SHB: variants seen among roughly 807,000 people sequenced by gnomAD.
SHB encodes SH2 domain containing adaptor protein B.
In SHB, 20 loss-of-function variants were observed where a neutral mutation model predicts 52.3. The observed-to-expected ratio is 0.38, with a 90% CI of 0.27 to 0.56. SHB has a LOEUF of 0.56. Ranked by LOEUF, SHB falls within the 20% of genes least tolerant of loss-of-function variation. The probability of loss-of-function intolerance (pLI) is 0.71; values close to 1 mark genes in which losing one functional copy is unlikely to be tolerated. For missense variants in SHB, 825 were observed against 723.3 expected (o/e 1.14, Z -1.61); for synonymous variants, 397 against 316.5 (o/e 1.25, Z -2.70).
intron 1 of SHB, among the ~76,000 whole-genome samples, chr9:38,026,385 G>A (rs1037352860): frequency 6.6e-6 from 1 of 152,258 alleles, no homozygotes; most frequent in African/African-American, 2.4e-5. Flanking sequence ...CTGCAGAGGC[G>A]CGGGAACCCG....
chr9:37,923,202 G>A (rs1180755958), intron 5 of SHB, among the ~76,000 whole-genome samples: 1 of 152,230 alleles, frequency 6.6e-6, no homozygotes, highest in Admixed American at 6.5e-5. Flanking sequence ...AACCCTCAGT[G>A]TTCCATGTGA....
At chr9:37,924,897 G>A (rs1278605491) in intron 5 of SHB, among the ~76,000 whole-genome samples, 4 of 152,198 alleles carry the variant, frequency 2.6e-5, no homozygotes, top group Non-Finnish European at 1.5e-5. Flanking sequence ...TGGCATTCAA[G>A]GCCCTGAAGC....
chr9:37,928,880 T>C (rs777607226), intron 5 of SHB, among the ~76,000 whole-genome samples: 3 of 152,214 alleles, frequency 2.0e-5, no homozygotes, highest in Non-Finnish European at 4.4e-5. Context: ...TGGTGGGAGA[T>C]GTACCACATC....
intron 1 of SHB, among the ~76,000 whole-genome samples, chr9:38,027,760 G>A (rs574608281): frequency 3.3e-5 from 5 of 152,018 alleles, no homozygotes; most frequent in South Asian, 4.2e-4. Flanking sequence ...TAGGCAGAGC[G>A]GCTGTTCCCA....
In SHB at chr9:38,016,086, C is replaced by A. The variant is rs1409963482; in HGVS notation, c.763G>T (p.Asp255Tyr). The A allele has an allele frequency of 7.4e-6, 12 of 1,614,004 alleles. No individual in the cohort carries two copies. Among genetic ancestry groups the A allele is most frequent in the Non-Finnish European group, 1.0e-5 (12 of 1,179,944 alleles). ...DYSDPFDAKNDLKSKAGKGES... is the reference protein window; with the variant it reads ...DYSDPFDAKNYLKSKAGKGES... ...CCCTTTCCTGCTTTGCTCTTGAGATCATTCTTGGCATCAAAGGGATCTGAG... is the reference window on the plus strand; with the variant it reads ...CCCTTTCCTGCTTTGCTCTTGAGATAATTCTTGGCATCAAAGGGATCTGAG... Residue 255 changes from aspartate (D) to tyrosine (Y), a missense_variant, in exon 2 of 6, where the codon GAT (aspartate) becomes TAT (tyrosine). By Grantham distance (160) the Asp-to-Tyr change is radical (BLOSUM62 -3). Coordinates refer to ENST00000377707, the MANE Select transcript of SHB (RefSeq NM_003028.3).
At chr9:37,930,563 C>T (rs1258478760) in intron 5 of SHB, among the ~76,000 whole-genome samples, 1 of 152,198 alleles carries the variant, frequency 6.6e-6, no homozygotes, top group East Asian at 1.9e-4. Flanking sequence ...CCTGGCCCAC[C>T]CTGGTGGGGG....
chr9:38,051,254 A>G (rs1159876817), intron 1 of SHB, among the ~76,000 whole-genome samples: 2 of 152,030 alleles, frequency 1.3e-5, no homozygotes, highest in Non-Finnish European at 2.9e-5. Context: ...ATCCTGGCCA[A>G]CATGGTGAAA....
chr9:37,982,318 C>G (rs891903124), intron 2 of SHB, among the ~76,000 whole-genome samples: 6 of 151,898 alleles, frequency 4.0e-5, no homozygotes, highest in Non-Finnish European at 8.8e-5. Context: ...CATGGTAAAA[C>G]CCCGTCTCTA....
At chr9:37,990,297 T>G (rs936090625) in intron 2 of SHB, among the ~76,000 whole-genome samples, 1 of 152,146 alleles carries the variant, frequency 6.6e-6, no homozygotes, top group African/African-American at 2.4e-5. Flanking sequence ...ATACTCCCAC[T>G]GTCATCTCTC....
chr9:38,003,977 G>A (rs538079180), intron 2 of SHB, among the ~76,000 whole-genome samples: 24 of 152,274 alleles, frequency 1.6e-4, no homozygotes, highest in African/African-American at 5.8e-4. Context: ...GCAGGAGCTG[G>A]CCCGGGGGAT....
At chr9:38,054,432 T>G (rs1821786496) in intron 1 of SHB, among the ~76,000 whole-genome samples, 1 of 152,236 alleles carries the variant, frequency 6.6e-6, no homozygotes, top group Non-Finnish European at 1.5e-5. Context: ...TTGTTCCCCA[T>G]CCAGTCACAT....
At chr9:37,937,620 G>A (rs992211257) in intron 5 of SHB, among the ~76,000 whole-genome samples, 2 of 152,228 alleles carry the variant, frequency 1.3e-5, no homozygotes, top group Admixed American at 6.5e-5. Flanking sequence ...GGGCAAGGGC[G>A]CCTGCGTGCG....
At chr9:37,973,557 C>A (rs545241550) in intron 3 of SHB, among the ~76,000 whole-genome samples, 107 of 152,276 alleles carry the variant, frequency 7.0e-4, no homozygotes, top group Non-Finnish European at 1.1e-3. Flanking sequence ...GGCACAGATT[C>A]TAAGGAGTGG....
chr9:38,026,197 T>C (rs1217640701), intron 1 of SHB, among the ~76,000 whole-genome samples: 2 of 152,200 alleles, frequency 1.3e-5, no homozygotes, highest in Non-Finnish European at 2.9e-5. Context: ...GCCTTTCCTG[T>C]GCAATGTGGT....
intron 2 of SHB, among the ~76,000 whole-genome samples, chr9:37,985,424 A>G (rs2117998588): frequency 6.6e-6 from 1 of 152,370 alleles, no homozygotes; most frequent in African/African-American, 2.4e-5. Context: ...GCAGCTCTGC[A>G]ATGATCCACA....
At chr9:37,957,606 G>A (rs1287164892) in intron 3 of SHB, among the ~76,000 whole-genome samples, 3 of 152,182 alleles carry the variant, frequency 2.0e-5, no homozygotes, top group Admixed American at 6.5e-5. Context: ...ACACCAACAG[G>A]TAGTCCACCC....
intron 3 of SHB, 84 bp from the exon 4 acceptor site, chr9:37,956,138 G>C (rs979559072): frequency 8.6e-6 from 11 of 1,279,600 alleles, no homozygotes; most frequent in Non-Finnish European, 1.2e-5. Flanking sequence ...ACGTTCAGCT[G>C]GTCTAGTTGG....
chr9:37,928,489 A>G (rs909980521), intron 5 of SHB, among the ~76,000 whole-genome samples: 1 of 152,170 alleles, frequency 6.6e-6, no homozygotes, highest in Non-Finnish European at 1.5e-5. Flanking sequence ...GTCTTGGTAC[A>G]TAGGTGCTAC....
At chr9:38,024,304 A>C (rs956348773) in intron 1 of SHB, among the ~76,000 whole-genome samples, 1 of 152,226 alleles carries the variant, frequency 6.6e-6, no homozygotes. Flanking sequence ...TACTGACCTA[A>C]GGTGTTCTGT....
Sources: gnomAD v4.1 joint callset for allele counts (sites outside exome capture counted in the v4.1 genomes callset) on GRCh38, gnomAD v4.1.1 for gene constraint, MANE v1.5 for transcripts, NCBI Gene and HGNC (gene_info 2026-07-23, HGNC 2026-07-21) for gene names.